Variants in SEC24B observed in about 807,000 individuals in gnomAD.
The protein encoded by SEC24B is protein transport protein Sec24B.
A neutral mutation model predicts 142.8 loss-of-function variants in SEC24B; 45 were observed. That is an observed-to-expected ratio of 0.32 (90% CI 0.25 to 0.40). The LOEUF is 0.40. Ranked by LOEUF, SEC24B falls within the 10% of genes least tolerant of loss-of-function variation. The pLI, the probability that SEC24B is intolerant of heterozygous loss-of-function variation, is 1.00. For synonymous variants in SEC24B, 574 were observed against 568.2 expected (o/e 1.01, Z -0.15); for missense variants, 1,409 against 1,526.8 (o/e 0.92, Z 1.29).
At chr4:109,531,023 G>A (rs1404841464) in intron 19 of SEC24B, among the ~76,000 whole-genome samples, 1 of 151,938 alleles carries the variant, frequency 6.6e-6, no homozygotes, top group Non-Finnish European at 1.5e-5. Context: ...TAATGGTGCA[G>A]TCATAGCTCA....
chr4:109,499,972 C>T (rs1318970462), intron 6 of SEC24B, among the ~76,000 whole-genome samples: 1 of 152,172 alleles, frequency 6.6e-6, no homozygotes, highest in African/African-American at 2.4e-5. Context: ...CATGTTATTA[C>T]ACCTTAAGAC....
rs561037008 is a variant in SEC24B, at chr4:109,511,037, T to A, written c.1777-920T>A. Reference sequence around the variant, plus strand: ...TGATAAGTACCGTGAATTTATTCATTGGGTAAATATTTTTAATCACCTATA... The same window carrying A: ...TGATAAGTACCGTGAATTTATTCATAGGGTAAATATTTTTAATCACCTATA... On this transcript the variant is annotated intron_variant, in intron 8 of 23. Coordinates refer to ENST00000265175, the MANE Select transcript of SEC24B (RefSeq NM_006323.5). Among the ~76,000 whole-genome samples the A allele has an allele frequency of 1.6e-3, 236 of 152,084 alleles. 1 individual carries two copies. The highest frequency in any genetic ancestry group is 4.6e-3 in the Admixed American group (70 of 15,258).
At chr4:109,506,789 ATTTC>A (rs1322887554) in intron 7 of SEC24B, among the ~76,000 whole-genome samples, 1 of 152,060 alleles carries the variant, frequency 6.6e-6, no homozygotes, top group Non-Finnish European at 1.5e-5. Context: ...TATATTTTTT[ATTTC>A]TTAAATCTTT....
At chr4:109,514,269 G>A (rs949418499) in intron 10 of SEC24B, among the ~76,000 whole-genome samples, 6 of 152,046 alleles carry the variant, frequency 3.9e-5, no homozygotes, top group Admixed American at 2.0e-4. Context: ...TTCTTCTGTT[G>A]CAATTAGAAA....
chr4:109,480,773 C>G (rs1002571076), intron 3 of SEC24B, among the ~76,000 whole-genome samples: 1 of 152,200 alleles, frequency 6.6e-6, no homozygotes, highest in Non-Finnish European at 1.5e-5. Flanking sequence ...GCCACCATGC[C>G]CGGCCTTCAT....
At chr4:109,489,335 G>A (rs1734735248) in intron 4 of SEC24B, among the ~76,000 whole-genome samples, 1 of 151,910 alleles carries the variant, frequency 6.6e-6, no homozygotes, top group African/African-American at 2.4e-5. Flanking sequence ...ACCATTTGCT[G>A]AAAAGAATAT....
chr4:109,515,784 A>T (rs544314140), intron 10 of SEC24B, among the ~76,000 whole-genome samples: 3 of 152,190 alleles, frequency 2.0e-5, no homozygotes, highest in Non-Finnish European at 4.4e-5. Flanking sequence ...TCACACCAGT[A>T]ATCCTAGCAC....
intron 4 of SEC24B, 58 bp downstream of exon 4, chr4:109,481,839 T>A: frequency 7.7e-7 from 1 of 1,298,876 alleles, no homozygotes; most frequent in Non-Finnish European, 1.1e-6. Context: ...TTCTTTTTGT[T>A]TCCACAGTCT....
At chr4:109,461,806 A>C (rs1713313448) in intron 1 of SEC24B, among the ~76,000 whole-genome samples, 1 of 152,194 alleles carries the variant, frequency 6.6e-6, no homozygotes, top group South Asian at 2.1e-4. Flanking sequence ...TAGGAAAAAT[A>C]AAAACTGAGA....
chr4:109,475,930 T>C (rs1189891496), intron 3 of SEC24B, among the ~76,000 whole-genome samples: 1 of 152,116 alleles, frequency 6.6e-6, no homozygotes, highest in Non-Finnish European at 1.5e-5. Context: ...ACTTTAAGTC[T>C]CTAAATAGTA....
chr4:109,444,582 C>T (rs1270358535), intron 1 of SEC24B, among the ~76,000 whole-genome samples: 3 of 149,216 alleles, frequency 2.0e-5, no homozygotes, highest in Non-Finnish European at 4.4e-5. Context: ...ATCAGTTTTC[C>T]TTTGGTGAGA....
chr4:109,531,118 G>A (rs1017519086), intron 19 of SEC24B, among the ~76,000 whole-genome samples: 6 of 152,168 alleles, frequency 3.9e-5, no homozygotes, highest in Non-Finnish European at 7.4e-5. Flanking sequence ...ACCATAAAAG[G>A]TGTCAATGCA....
At chr4:109,456,229 A>G (rs1192378075) in intron 1 of SEC24B, among the ~76,000 whole-genome samples, 4 of 151,588 alleles carry the variant, frequency 2.6e-5, no homozygotes, top group Non-Finnish European at 5.9e-5. Flanking sequence ...CTTATATTCT[A>G]TGACCTTGAT....
At chr4:109,455,272 G>A (rs1312725407) in intron 1 of SEC24B, among the ~76,000 whole-genome samples, 1 of 150,900 alleles carries the variant, frequency 6.6e-6, no homozygotes, top group African/African-American at 2.4e-5. Context: ...TTTTTGGGAT[G>A]GAGTTTCACT....
chr4:109,490,522 T>A (rs1480607459), intron 4 of SEC24B, among the ~76,000 whole-genome samples: 1 of 152,006 alleles, frequency 6.6e-6, no homozygotes, highest in Non-Finnish European at 1.5e-5. Flanking sequence ...TCATGCAGAT[T>A]TTTTATTTTA....
At chr4:109,480,661 A>T (rs1578854518) in intron 3 of SEC24B, among the ~76,000 whole-genome samples, 1 of 151,750 alleles carries the variant, frequency 6.6e-6, no homozygotes, top group African/African-American at 2.4e-5. Context: ...TTGTATTTTT[A>T]GTAGAGACAG....
chr4:109,456,290 T>G (rs1292218688), intron 1 of SEC24B, among the ~76,000 whole-genome samples: 1 of 151,770 alleles, frequency 6.6e-6, no homozygotes, highest in Non-Finnish European at 1.5e-5. Flanking sequence ...TTTGGGATTT[T>G]CTACTTAGTC....
rs981882297 is a variant in SEC24B at position 109,434,338 on chromosome 4, C to A, written c.133+336C>A. Among the ~76,000 whole-genome samples, 13 of 152,254 alleles carry A rather than the reference C, an allele frequency of 8.5e-5. 1 individual carries two copies. Among genetic ancestry groups the A allele is most frequent in the African/African-American group, 2.6e-4 (11 of 41,566 alleles). On this transcript the variant is annotated intron_variant, in intron 1 of 23. Coordinates refer to ENST00000265175, the MANE Select transcript of SEC24B (RefSeq NM_006323.5). The stretch of plus-strand genomic sequence containing the variant: ...GGGCGACTGAAAAGCTGGGAGCCCA[C>A]GTAGTAAAACCCAGTTACCTAGCCT...
intron 2 of SEC24B, among the ~76,000 whole-genome samples, chr4:109,464,386 G>A (rs1419026735): frequency 1.3e-5 from 2 of 151,124 alleles, no homozygotes; most frequent in African/African-American, 2.4e-5. Context: ...GGGCTCAAGC[G>A]ATCCTCCCAT....
Sources: allele counts gnomAD v4.1 joint callset (sites outside exome capture counted in the v4.1 genomes callset), GRCh38; gene constraint gnomAD v4.1.1; transcripts MANE v1.5; gene names NCBI Gene and HGNC (gene_info 2026-07-23, HGNC 2026-07-21).